The following LTBP4 variants were observed in gnomAD, a reference collection of about 807,000 sequenced individuals.
LTBP4 encodes latent-transforming growth factor beta-binding protein 4.
Under a neutral mutation model 180.2 loss-of-function variants are expected in LTBP4, and 93 were observed. That is an observed-to-expected ratio of 0.52 (90% CI 0.44 to 0.61). The LOEUF (loss-of-function observed/expected upper bound fraction) is 0.61. Ranked by LOEUF, LTBP4 falls within the 20% of genes least tolerant of loss-of-function variation. The probability of loss-of-function intolerance (pLI) is 0.00; values close to 1 mark genes in which losing one functional copy is unlikely to be tolerated. For synonymous variants in LTBP4, 947 were observed against 934.5 expected (o/e 1.01, Z -0.24); for missense variants, 2,116 against 2,256.5 (o/e 0.94, Z 1.26).
chr19:40,593,297 C>A, intron 1 of LTBP4: 1 of 1,210,734 alleles, frequency 8.3e-7, no homozygotes, highest in Non-Finnish European at 1.2e-6. Flanking sequence ...GGCTAGGGTG[C>A]AGTGGTGCAA....
In LTBP4 at chr19:40,610,675, G is replaced by A. The variant is rs1224505394; in HGVS notation, c.1810+18G>A. 9 of 1,572,638 alleles carry A rather than the reference G, an allele frequency of 5.7e-6. No individual in the cohort carries two copies. The highest frequency in any genetic ancestry group is 6.9e-6 in the Non-Finnish European group (8 of 1,161,860). ...CTGCCAGGGTGAGGGCCTGGGAGGG[G>A]CAGCTGGGAAGGGGTGTGAGCGGTT... On this transcript the variant is annotated intron_variant, in intron 12 of 29. Transcript: ENST00000396819.
intron 21 of LTBP4, 87 bp from the exon 22 acceptor site, chr19:40,619,260 T>C: frequency 1.5e-6 from 2 of 1,369,904 alleles, no homozygotes; most frequent in Non-Finnish European, 2.0e-6. Context: ...ATACACATTA[T>C]ATTTGAAAGC....
At chr19:40,628,312 G>A (rs1219946720) in intron 29 of LTBP4, among the ~76,000 whole-genome samples, 1 of 152,160 alleles carries the variant, frequency 6.6e-6, no homozygotes, top group African/African-American at 2.4e-5. Context: ...AGGCCGAGGC[G>A]GGCGGATCAT....
chr19:40,628,179 C>T (rs2081651457), intron 29 of LTBP4, among the ~76,000 whole-genome samples: 1 of 152,200 alleles, frequency 6.6e-6, no homozygotes, highest in South Asian at 2.1e-4. Context: ...CCTCAGTCTT[C>T]CCACCTGTAA....
intron 26 of LTBP4, among the ~76,000 whole-genome samples, chr19:40,625,293 TATATATA>T (rs2081622555): frequency 7.8e-5 from 1 of 12,814 alleles, no homozygotes; most frequent in Non-Finnish European, 1.2e-4. Context: ...TATATATATA[TATATATA>T]TATATATATA....
intron 26 of LTBP4, among the ~76,000 whole-genome samples, chr19:40,625,326 T>TTTTTTTTTTTTTTG (rs1382016549): frequency 3.0e-5 from 1 of 33,042 alleles, no homozygotes; most frequent in African/African-American, 2.6e-4. Context: ...ATTTTTTTTT[T>TTTTTTTTTTTTTTG]TAAAGATGGG....
intron 29 of LTBP4, among the ~76,000 whole-genome samples, chr19:40,628,250 C>A (rs1429411081): frequency 6.6e-6 from 1 of 152,148 alleles, no homozygotes. Flanking sequence ...TGATTAAAAT[C>A]AAGAACATAG....
chr19:40,628,999 G>A (rs1327673519), intron 29 of LTBP4, among the ~76,000 whole-genome samples: 2 of 151,882 alleles, frequency 1.3e-5, no homozygotes, highest in Admixed American at 6.6e-5. Context: ...ACAGGCGCCC[G>A]CCACCATGCC....
intron 21 of LTBP4, among the ~76,000 whole-genome samples, chr19:40,618,844 C>T (rs374865911): frequency 3.9e-5 from 6 of 152,268 alleles, no homozygotes; most frequent in African/African-American, 1.2e-4. Context: ...ATAACTGGAT[C>T]CAGGAATTTT....
At chr19:40,616,020 G>A (rs539469718) in intron 19 of LTBP4, among the ~76,000 whole-genome samples, 21 of 152,312 alleles carry the variant, frequency 1.4e-4, no homozygotes, top group Admixed American at 3.9e-4. Flanking sequence ...AGACAGAAGC[G>A]AGGGAGGCAG....
At position 40,606,317 on chromosome 19, in the gene LTBP4, G is replaced by T; in HGVS notation, c.868+10G>T. The T allele has an allele frequency of 6.2e-7, 1 of 1,601,106 alleles. No homozygotes were observed. Among genetic ancestry groups the T allele is most frequent in the Non-Finnish European group, 8.5e-7 (1 of 1,174,036 alleles). On this transcript the variant is annotated intron_variant, in intron 5 of 29. Coordinates refer to ENST00000396819, the MANE Select transcript of LTBP4 (RefSeq NM_001042545.2). ...AATGGGTCCTGCGAAGGTGCAACGG[G>T]GCAGGGGTGGGAGGGGCTTGGTTCT...
chr19:40,597,022 C>A (rs946535762), upstream of LTBP4, among the ~76,000 whole-genome samples: 8 of 152,120 alleles, frequency 5.3e-5, no homozygotes. Context: ...GCCCCTAGTC[C>A]GGCACCTGTC....
rs371900636 is a variant in LTBP4 at position 40,627,278 on chromosome 19, G to C, written c.4289G>C (p.Arg1430Pro). 3 of 1,546,792 alleles carry C rather than the reference G, an allele frequency of 1.9e-6. No individual in the cohort carries two copies. In the African/African-American group the frequency reaches 4.1e-5, roughly 21 times the overall value. The change falls in exon 28 of 30, where the codon CGC becomes CCC. Residue 1430 changes from arginine to proline, a missense_variant. Physicochemically the swap from Arg to Pro is moderately radical, Grantham distance 103. This residue lies in a region of LTBP4 where 488 missense variants were observed against 458.8 expected (regional missense o/e 1.06). Coordinates refer to ENST00000396819, the MANE Select transcript of LTBP4 (RefSeq NM_001042545.2). The stretch of plus-strand genomic sequence containing the variant: ...CCTGCGCCACCTGGCCCGGGCACCC[G>C]CTGGCCCTATCGGTCCCGGGACACC... ...EAPAPPGPGT[R>P]WPYRSRDTRR... is the part of the protein sequence containing the mutation.
chr19:40,607,065 G>A (rs2146023232), intron 6 of LTBP4, among the ~76,000 whole-genome samples: 1 of 152,192 alleles, frequency 6.6e-6, no homozygotes, highest in Admixed American at 6.5e-5. Context: ...CAGACTTTCT[G>A]GAATCCTTCT....
chr19:40,597,664 TG>T (rs1030454173), upstream of LTBP4, among the ~76,000 whole-genome samples: 23 of 144,798 alleles, frequency 1.6e-4, no homozygotes, highest in African/African-American at 2.6e-5. Context: ...GGGCAGGGGG[TG>T]GGGGGCTGAG....
chr19:40,600,700 C>T (rs1469614328), upstream of LTBP4, among the ~76,000 whole-genome samples: 1 of 152,146 alleles, frequency 6.6e-6, no homozygotes, highest in Non-Finnish European at 1.5e-5. This position sits in a 1 kb window ranked among gnomAD's most constrained non-coding sequence, Gnocchi z 4.4. Flanking sequence ...ACCCCTCCCC[C>T]TAAAGTCTTC....
chr19:40,609,282 C>T lies in LTBP4; in HGVS notation c.1427-248C>T, dbSNP rs557587555. On this transcript the variant is annotated intron_variant, in intron 9 of 29. Transcript: ENST00000396819. This position sits in a 1 kb window ranked among gnomAD's most constrained non-coding sequence, Gnocchi z 4.9. The stretch of plus-strand genomic sequence containing the variant: ...TAGGGCACTAAGAATGTATCTCAGG[C>T]GGAGGGTTGGAGAGCAAACTATTCA... Among the ~76,000 whole-genome samples, 2 of 152,092 alleles carry T rather than the reference C, an allele frequency of 1.3e-5. No homozygotes were observed. Among genetic ancestry groups the T allele is most frequent in the East Asian group, 1.9e-4 (1 of 5,184 alleles).
chr19:40,616,750 A>G, intron 19 of LTBP4, 139 bp from the exon 20 acceptor site: 2 of 1,061,512 alleles, frequency 1.9e-6, no homozygotes, highest in South Asian at 3.3e-5. Flanking sequence ...CAAAGTTTTC[A>G]ACATTGTTGA....
rs776226657 is a variant in LTBP4, at chr19:40,614,336, G to C, written c.2702G>C (p.Arg901Pro). 3.1e-6 allele frequency: 5 copies of C among 1,599,654 alleles called. No individual in the cohort carries two copies. The highest frequency in any genetic ancestry group is 4.2e-6 in the Non-Finnish European group (5 of 1,179,414). ...TCAGACGTGGACGAATGTCGCGAGCGAGGCCCAGCCCTGTGCGGGTCGCAG... is the reference window on the plus strand; with the variant it reads ...TCAGACGTGGACGAATGTCGCGAGCCAGGCCCAGCCCTGTGCGGGTCGCAG... ...SCLDVDECRE[R>P]GPALCGSQRC... The change falls in exon 19 of 30, where the codon CGA becomes CCA. Residue 901 changes from arginine to proline, a missense_variant. This residue lies in a region of LTBP4 where 877 missense variants were observed against 873.6 expected (regional missense o/e 1.00). Transcript: ENST00000396819.
Sources: gnomAD v4.1 joint callset for allele counts (sites outside exome capture counted in the v4.1 genomes callset) on GRCh38, gnomAD v4.1.1 for gene constraint, gnomAD v4.1.1 regional missense constraint, Gnocchi (gnomAD v3.1) non-coding constraint, MANE v1.5 for transcripts, NCBI Gene and HGNC (gene_info 2026-07-23, HGNC 2026-07-21) for gene names.